Variants in SCRN3 observed in about 807,000 individuals in gnomAD.
SCRN3 encodes the protein secernin 3.
SCRN3 carries 39 observed loss-of-function variants against 43.1 expected under a neutral mutation model. That is an observed-to-expected ratio of 0.91 (90% CI 0.70 to 1.18). The LOEUF (loss-of-function observed/expected upper bound fraction) is 1.18. Ranked by LOEUF, SCRN3 falls within the 50% of genes most tolerant of loss-of-function variation. SCRN3 has a pLI of 0.00. For missense variants in SCRN3, 484 were observed against 498.0 expected, an observed-to-expected ratio of 0.97 and a Z score of 0.27; for synonymous variants, 147 against 163.1, an observed-to-expected ratio of 0.90 and a Z score of 0.75.
intron 5 of SCRN3, among the ~76,000 whole-genome samples, chr2:174,409,340 T>G (rs979121757): frequency 1.4e-5 from 2 of 146,124 alleles, no homozygotes; most frequent in African/African-American, 4.9e-5. Flanking sequence ...CTGTATTGGT[T>G]ATTCTAGTTA....
chr2:174,398,469 A>C, intron 2 of SCRN3, 27 bp downstream of exon 2: 5 of 1,556,958 alleles, frequency 3.2e-6, no homozygotes, highest in Non-Finnish European at 4.3e-6. Flanking sequence ...TTTTGTTAGC[A>C]ATATGCCTTT....
At chr2:174,414,144 T>C (rs1040764843) in intron 5 of SCRN3, among the ~76,000 whole-genome samples, 11 of 152,234 alleles carry the variant, frequency 7.2e-5, no homozygotes, top group African/African-American at 2.7e-4. Flanking sequence ...TTGTCCCAAG[T>C]TGATAGTTAT....
chr2:174,400,906 C>A, intron 3 of SCRN3, 84 bp from the exon 4 acceptor site: 3 of 1,167,486 alleles, frequency 2.6e-6, no homozygotes, highest in South Asian at 1.8e-5. Flanking sequence ...TACTTTGAAT[C>A]TAAAAAATCT....
chr2:174,421,879 G>A (rs1311538929), intron 5 of SCRN3, among the ~76,000 whole-genome samples: 1 of 152,096 alleles, frequency 6.6e-6, no homozygotes, highest in East Asian at 1.9e-4. Context: ...GGTCCTGCTT[G>A]CGTTAATTGG....
chr2:174,415,894 C>T (rs1334250348), intron 5 of SCRN3, among the ~76,000 whole-genome samples: 2 of 152,146 alleles, frequency 1.3e-5, no homozygotes, highest in Non-Finnish European at 2.9e-5. Flanking sequence ...ATCTGCCCAC[C>T]TTGGCCTATC....
rs749558523 is a variant in SCRN3, at chr2:174,422,840, C to T, written c.755-45C>T. The T allele has an allele frequency of 1.3e-5, 16 of 1,241,960 alleles. No homozygotes were observed. In the East Asian group the frequency reaches 1.7e-4, roughly 13 times the overall value. 76.9% of individuals were successfully genotyped at this position (1,241,960 alleles called of 1,614,324 possible). A position where few individuals can be genotyped will look rare whatever the true frequency, so the allele number is the denominator to read the frequency against. ...AAGCAGTTCATATTTGCAAGGCATCCGTATATGCATATGTATTTGATGATT... is the reference window on the plus strand; with the variant it reads ...AAGCAGTTCATATTTGCAAGGCATCTGTATATGCATATGTATTTGATGATT... On this transcript the variant is annotated intron_variant, in intron 5 of 7. Coordinates refer to ENST00000272732, the MANE Select transcript of SCRN3 (RefSeq NM_024583.5).
At chr2:174,397,919 C>A (rs1163056925) in intron 1 of SCRN3, among the ~76,000 whole-genome samples, 1 of 152,114 alleles carries the variant, frequency 6.6e-6, no homozygotes, top group Non-Finnish European at 1.5e-5. Context: ...CAGATTGAGT[C>A]CCAAGTCATA....
intron 1 of SCRN3, chr2:174,397,268 A>G (rs1685355552): frequency 1.0e-6 from 1 of 984,470 alleles, no homozygotes; most frequent in Non-Finnish European, 1.2e-6. Flanking sequence ...GTGTAAAGCC[A>G]TTTTAAGGTT....
At chr2:174,423,955 A>G (rs1172872673) in intron 6 of SCRN3, among the ~76,000 whole-genome samples, 1 of 151,416 alleles carries the variant, frequency 6.6e-6, no homozygotes, top group African/African-American at 2.4e-5. Context: ...TGCCTGGCTA[A>G]TTTTTAATTT....
intron 4 of SCRN3, among the ~76,000 whole-genome samples, chr2:174,403,269 G>T (rs895144407): frequency 6.6e-6 from 1 of 151,644 alleles, no homozygotes; most frequent in African/African-American, 2.4e-5. Flanking sequence ...AGGTAAGAAT[G>T]TACAGCTAGC....
chr2:174,413,189 A>G (rs1685988906), intron 5 of SCRN3, among the ~76,000 whole-genome samples: 1 of 152,044 alleles, frequency 6.6e-6, no homozygotes. Flanking sequence ...CTCTTTTAGG[A>G]CAGCAAAAGA....
chr2:174,422,856 T>G (rs761154718), intron 5 of SCRN3, 29 bp from the exon 6 acceptor site: 1 of 1,490,880 alleles, frequency 6.7e-7, no homozygotes, highest in Non-Finnish European at 9.3e-7. Context: ...TGCATATGTA[T>G]TTGATGATTT....
chr2:174,424,365 G>A, intron 6 of SCRN3, 110 bp from the exon 7 acceptor site: 1 of 772,194 alleles, frequency 1.3e-6, no homozygotes. Context: ...AAGTTAGTAT[G>A]TAGCATCATT....
At position 174,428,558 on chromosome 2, in the gene SCRN3, C is replaced by T. The variant is rs1686566436; in HGVS notation, c.*663C>T. 6.6e-6 allele frequency: 1 copy of T among 152,084 alleles called. No homozygotes were observed. The highest frequency in any genetic ancestry group is 2.4e-5 in the African/African-American group (1 of 41,400). 9.4% of individuals were successfully genotyped at this position (152,084 alleles called of 1,614,324 possible). On this transcript the variant is annotated 3_prime_UTR_variant, in exon 8 of 8. Transcript: ENST00000272732. ...TTAATAAGATATATTTTTAGAAGAG[C>T]TTGTTTGGGAGATTAGAGAATAAGA...
intron 5 of SCRN3, among the ~76,000 whole-genome samples, chr2:174,407,129 A>C: frequency 1.6e-5 from 1 of 61,342 alleles, no homozygotes. Context: ...TATTGCCACA[A>C]TTTCAGCTCC....
At chr2:174,419,837 C>T (rs1231886229) in intron 5 of SCRN3, among the ~76,000 whole-genome samples, 2 of 151,986 alleles carry the variant, frequency 1.3e-5, no homozygotes, top group Non-Finnish European at 2.9e-5. Flanking sequence ...CATAATAGTG[C>T]AGTGGAGTGG....
chr2:174,395,978 C>G, intron 1 of SCRN3, 161 bp downstream of exon 1: 2 of 1,385,634 alleles, frequency 1.4e-6, no homozygotes, highest in Non-Finnish European at 1.9e-6. Flanking sequence ...CGCGGCGGCC[C>G]TTCGACCAAA....
chr2:174,417,066 T>C (rs1686136681), intron 5 of SCRN3, among the ~76,000 whole-genome samples: 1 of 152,198 alleles, frequency 6.6e-6, no homozygotes, highest in South Asian at 2.1e-4. Flanking sequence ...ACTATCTTTT[T>C]CCCCCATGTA....
chr2:174,404,137 A>G lies in SCRN3; in HGVS notation c.576A>G (p.Ile192Met). The G allele has an allele frequency of 5.6e-6, 9 of 1,613,718 alleles. No homozygotes were observed. Among genetic ancestry groups the G allele is most frequent in the Non-Finnish European group, 7.6e-6 (9 of 1,179,778 alleles). Residue 192 changes from isoleucine to methionine, a missense_variant, in exon 5 of 8, where the codon ATA becomes ATG. Physicochemically the swap from Ile to Met is conservative, Grantham distance 10 (BLOSUM62 1). Transcript: ENST00000272732. ...GVRNISNQLSITTKIAREHPD... is the reference protein window; with the variant it reads ...GVRNISNQLSMTTKIAREHPD... The stretch of plus-strand genomic sequence containing the variant: ...GTAATATTTCTAATCAACTTTCCAT[A>G]ACAACCAAGATTGCCCGGGAACACC...
Sources: gnomAD v4.1 joint callset for allele counts (sites outside exome capture counted in the v4.1 genomes callset) on GRCh38, gnomAD v4.1.1 for gene constraint, MANE v1.5 for transcripts, NCBI Gene and HGNC (gene_info 2026-07-23, HGNC 2026-07-21) for gene names.